The following IBTK variants were observed in gnomAD, a reference collection of about 807,000 sequenced individuals.
The protein encoded by IBTK is inhibitor of Bruton tyrosine kinase.
Under a neutral mutation model 154.9 loss-of-function variants are expected in IBTK, and 83 were observed. The ratio of observed to expected loss-of-function variants is 0.54; its 90% CI spans 0.45 to 0.64. The LOEUF (loss-of-function observed/expected upper bound fraction) is 0.64. IBTK is among the 30% of genes least tolerant of loss of function. The pLI, the probability that IBTK is intolerant of heterozygous loss-of-function variation, is 0.00. For missense variants in IBTK, 1,332 were observed against 1,584.6 expected (o/e 0.84, Z 2.71); for synonymous variants, 515 against 536.1 (o/e 0.96, Z 0.54).
intron 25 of IBTK, among the ~76,000 whole-genome samples, chr6:82,183,312 A>G (rs1451138273): frequency 6.6e-6 from 1 of 152,242 alleles, no homozygotes; most frequent in Middle Eastern, 3.4e-3. Flanking sequence ...CAGGAGGCTG[A>G]GGCATGAGAA....
rs75361488 is a variant in IBTK, at chr6:82,196,552, T to C, written c.3026-106A>G. ...AAAGCTTTCATTTATCCAGATTTAA[T>C]AACATTCAAATTATATTTATGGTAT... On this transcript the variant is annotated intron_variant, in intron 21 of 28. Coordinates refer to ENST00000306270, the MANE Select transcript of IBTK (RefSeq NM_015525.4). 7.9e-3 allele frequency: 4,065 copies of C among 516,592 alleles called. 140 individuals carry two copies. Among genetic ancestry groups the C allele is most frequent in the African/African-American group, 0.07 (3,584 of 50,932 alleles). The allele number at this position is 516,592 out of a possible 1,614,324, so 32.0% of individuals were successfully genotyped here.
intron 18 of IBTK, among the ~76,000 whole-genome samples, chr6:82,202,253 A>C (rs1322092195): frequency 6.6e-6 from 1 of 152,216 alleles, no homozygotes; most frequent in Non-Finnish European, 1.5e-5. Context: ...TCATATTGTC[A>C]CCAATGACTT....
At chr6:82,183,074 A>C (rs890493040) in intron 25 of IBTK, among the ~76,000 whole-genome samples, 1 of 152,216 alleles carries the variant, frequency 6.6e-6, no homozygotes, top group Non-Finnish European at 1.5e-5. Context: ...GAAGCAATAA[A>C]TAACTAATAC....
At chr6:82,221,184 C>T (rs1375763506) in intron 8 of IBTK, among the ~76,000 whole-genome samples, 1 of 151,982 alleles carries the variant, frequency 6.6e-6, no homozygotes, top group Admixed American at 6.6e-5. Flanking sequence ...ATCAGCCGGG[C>T]ATGGTGATGC....
chr6:82,172,794 G>C (rs186693804), intron 27 of IBTK: 3 of 305,270 alleles, frequency 9.8e-6, no homozygotes, highest in African/African-American at 6.5e-5. Flanking sequence ...AGAATGATGA[G>C]GTGAGAAACA....
In IBTK at chr6:82,179,886, G is replaced by A. The variant is rs572611156; in HGVS notation, c.3725+1993C>T. On this transcript the variant is annotated intron_variant, in intron 26 of 28. Coordinates refer to ENST00000306270, the MANE Select transcript of IBTK (RefSeq NM_015525.4). Reference sequence around the variant, plus strand: ...GAATCTTACACAAGAAAGGAAAGGGGTAATTAATAGTTTTCAGGCTTCTGA... The same window carrying A: ...GAATCTTACACAAGAAAGGAAAGGGATAATTAATAGTTTTCAGGCTTCTGA... Among the ~76,000 whole-genome samples the A allele has an allele frequency of 5.3e-5, 8 of 152,320 alleles. No individual in the cohort carries two copies. The South Asian group carries it at 1.7e-3, about 32-fold the overall frequency.
intron 7 of IBTK, 64 bp from the exon 8 acceptor site, chr6:82,223,684 C>G (rs1770183029): frequency 1.5e-6 from 2 of 1,371,648 alleles, no homozygotes; most frequent in Admixed American, 3.7e-5. Flanking sequence ...TTTAGCCAAG[C>G]ACAGTGTCTC....
chr6:82,204,960 T>A lies in IBTK; in HGVS notation c.2510-2A>T. 1 of 1,565,720 alleles carries A rather than the reference T, an allele frequency of 6.4e-7. No homozygotes were observed. The highest frequency in any genetic ancestry group is 8.7e-7 in the Non-Finnish European group (1 of 1,149,582). On this transcript the variant is annotated splice_acceptor_variant, in intron 16 of 28. Transcript: ENST00000306270. LOFTEE classifies it high-confidence loss of function. ...AAATAAAATCTACATTTTGAGATTC[T>A]AAAAAAAGAAAGAAAACAAGCATCA...
At position 82,191,062 on chromosome 6, in the gene IBTK, T is replaced by C. The variant is rs1189105766; in HGVS notation, c.3575+11A>G. ...AAATCTATATTAATTTTAATAAAAA[T>C]AAGAGCATACCATGCATTCACTGGT... On this transcript the variant is annotated intron_variant, in intron 25 of 28. Coordinates refer to ENST00000306270, the MANE Select transcript of IBTK (RefSeq NM_015525.4). 8.0e-6 allele frequency: 12 copies of C among 1,498,674 alleles called. No individual in the cohort carries two copies. Among genetic ancestry groups the C allele is most frequent in the Non-Finnish European group, 1.1e-5 (12 of 1,128,136 alleles). 92.8% of individuals were successfully genotyped at this position (1,498,674 alleles called of 1,614,324 possible).
intron 25 of IBTK, among the ~76,000 whole-genome samples, chr6:82,184,188 T>A (rs1254296036): frequency 1.3e-5 from 2 of 152,206 alleles, no homozygotes; most frequent in Non-Finnish European, 2.9e-5. Context: ...CAATTTTATT[T>A]TCCTAACTCA....
rs1767893386 is a variant in IBTK, at chr6:82,170,402, A to T, written c.*1023T>A. 6.6e-6 allele frequency: 1 copy of T among 152,374 alleles called. No homozygotes were observed. Among genetic ancestry groups the T allele is most frequent in the African/African-American group, 2.4e-5 (1 of 41,458 alleles). The allele number at this position is 152,374 out of a possible 1,614,324, so 9.4% of individuals were successfully genotyped here. ...CCCAGGCTTACCTTCCAGAAACTAGAACATTAACCTTTCCAATTTATCTAG... is the reference window on the plus strand; with the variant it reads ...CCCAGGCTTACCTTCCAGAAACTAGTACATTAACCTTTCCAATTTATCTAG... On this transcript the variant is annotated 3_prime_UTR_variant, in exon 29 of 29. Coordinates refer to ENST00000306270, the MANE Select transcript of IBTK (RefSeq NM_015525.4).
At chr6:82,227,407 T>C in intron 4 of IBTK, 105 bp from the exon 5 acceptor site, 1 of 544,576 alleles carries the variant, frequency 1.8e-6, no homozygotes, top group East Asian at 3.4e-5. Context: ...GGATAATGGA[T>C]ACAAGGGGAA....
chr6:82,192,480 C>T (rs997169658), intron 23 of IBTK, among the ~76,000 whole-genome samples: 2 of 152,156 alleles, frequency 1.3e-5, no homozygotes, highest in African/African-American at 4.8e-5. Context: ...GGTGTGGTGG[C>T]TCAAGCCTGT....
chr6:82,182,159 T>G (rs564021619), intron 25 of IBTK, 131 bp from the exon 26 acceptor site: 14 of 805,444 alleles, frequency 1.7e-5, no homozygotes, highest in Non-Finnish European at 2.5e-5. Context: ...AATGTGATGT[T>G]GGATTCTTGC....
At position 82,240,745 on chromosome 6, in the gene IBTK, TA is replaced by T. The variant is rs1019183299; in HGVS notation, c.-260del. The T allele has an allele frequency of 6.3e-6, 3 of 474,308 alleles. No individual in the cohort carries two copies. The highest frequency in any genetic ancestry group is 2.0e-5 in the African/African-American group (1 of 49,898). The allele number at this position is 474,308 out of a possible 1,614,324, so 29.4% of individuals were successfully genotyped here. Reference sequence around the variant, plus strand: ...TCATTTAAAAAAATTCCACAGTTTATAAATTATTCCTGGAGTCAAGCACCAA... The same window carrying T: ...TCATTTAAAAAAATTCCACAGTTTATAATTATTCCTGGAGTCAAGCACCAA... On this transcript the variant is annotated 5_prime_UTR_variant, in exon 2 of 29. Coordinates refer to ENST00000306270, the MANE Select transcript of IBTK (RefSeq NM_015525.4).
At chr6:82,232,875 G>A (rs1770560912) in intron 3 of IBTK, among the ~76,000 whole-genome samples, 2 of 152,214 alleles carry the variant, frequency 1.3e-5, no homozygotes, top group African/African-American at 2.4e-5. Flanking sequence ...AAAATTGGCC[G>A]CACGCAGTGG....
Position 82,234,255 on chromosome 6 carries a change from G to A in IBTK, c.322C>T (p.His108Tyr). ...HIDCVWSLLK[H>Y]GVSLYIQDKE... ...TCTTGAATATACAGACTAACACCATGCTAAAACAAACAAACAAACAAATAC... is the reference window on the plus strand; with the variant it reads ...TCTTGAATATACAGACTAACACCATACTAAAACAAACAAACAAACAAATAC... The change falls in exon 3 of 29, where the codon CAT becomes TAT. Residue 108 changes from histidine (H) to tyrosine (Y), a missense_variant and splice_region_variant. Transcript: ENST00000306270. The A allele has an allele frequency of 1.4e-6, 2 of 1,447,958 alleles. No individual in the cohort carries two copies. The highest frequency in any genetic ancestry group is 2.0e-5 in the Admixed American group (1 of 48,852). 89.7% of individuals were successfully genotyped at this position (1,447,958 alleles called of 1,614,324 possible).
At chr6:82,230,709 C>T (rs1470111997) in intron 4 of IBTK, among the ~76,000 whole-genome samples, 1 of 152,064 alleles carries the variant, frequency 6.6e-6, no homozygotes, top group Admixed American at 6.5e-5. Context: ...TGAAAGAATA[C>T]CCACAGTACA....
Position 82,225,146 on chromosome 6 carries a change from C to CAA in IBTK, c.825+329_825+330dup, listed in dbSNP as rs71676661. On this transcript the variant is annotated intron_variant, in intron 6 of 28. Coordinates refer to ENST00000306270, the MANE Select transcript of IBTK (RefSeq NM_015525.4). ...AAAACCCTCTCTACTAAAAAATACT[C>CAA]AAAAAAAAAAAAAATTAGCCAGGCA... is the stretch of plus-strand genomic sequence containing the variant. Among the ~76,000 whole-genome samples, 1,126 of 142,088 alleles carry CAA rather than the reference C, an allele frequency of 7.9e-3. 13 individuals carry two copies. The highest frequency in any genetic ancestry group is 0.025 in the African/African-American group (972 of 38,454). 93.2% of individuals were successfully genotyped at this position (142,088 alleles called of 152,430 possible). A position where few individuals can be genotyped will look rare whatever the true frequency, so the allele number is the denominator to read the frequency against.
Sources: allele counts gnomAD v4.1 joint callset (sites outside exome capture counted in the v4.1 genomes callset), GRCh38; gene constraint gnomAD v4.1.1; transcripts MANE v1.5; gene names NCBI Gene and HGNC (gene_info 2026-07-23, HGNC 2026-07-21).